The following SUGCT variants were observed in gnomAD, a reference collection of about 807,000 sequenced individuals.
SUGCT encodes succinyl-CoA:glutarate CoA-transferase.
In SUGCT, 41 loss-of-function variants were observed where a neutral mutation model predicts 55.0. The observed-to-expected ratio is 0.74, with a 90% CI of 0.58 to 0.97. The LOEUF (loss-of-function observed/expected upper bound fraction) is 0.97. Ranked by LOEUF, SUGCT falls within the 50% of genes least tolerant of loss-of-function variation. SUGCT has a pLI of 0.00. For missense variants in SUGCT, 568 were observed against 547.8 expected (o/e 1.04, Z -0.37); for synonymous variants, 187 against 200.4 (o/e 0.93, Z 0.56).
At chr7:40,157,990 C>T (rs897188608) in intron 1 of SUGCT, among the ~76,000 whole-genome samples, 2 of 151,744 alleles carry the variant, frequency 1.3e-5, no homozygotes, top group Non-Finnish European at 2.9e-5. Flanking sequence ...AGGCAGATCA[C>T]GAGGTCAAGA....
In SUGCT at chr7:40,541,672, A is replaced by G. The variant is rs115537727; in HGVS notation, c.1089+45286A>G. Among the ~76,000 whole-genome samples the G allele has an allele frequency of 2.9e-3, 439 of 152,362 alleles. 4 individuals are homozygous for G. Among genetic ancestry groups the G allele is most frequent in the African/African-American group, 9.8e-3 (409 of 41,590 alleles). Reference sequence around the variant, plus strand: ...ACAGTACATATTTTTCAAAAGTTACATGAAATATATTAGAGTAGTTTCCTG... The same window carrying G: ...ACAGTACATATTTTTCAAAAGTTACGTGAAATATATTAGAGTAGTTTCCTG... On this transcript the variant is annotated intron_variant, in intron 12 of 13. Transcript: ENST00000335693.
chr7:40,568,308 C>G (rs1279959105), intron 12 of SUGCT, among the ~76,000 whole-genome samples: 3 of 152,034 alleles, frequency 2.0e-5, no homozygotes, highest in Non-Finnish European at 4.4e-5. Flanking sequence ...AAGAATATTT[C>G]TTTATCAGTG....
intron 12 of SUGCT, among the ~76,000 whole-genome samples, chr7:40,549,859 C>T (rs958275029): frequency 2.6e-5 from 4 of 152,022 alleles, no homozygotes; most frequent in African/African-American, 9.7e-5. Context: ...CAGGGTAGCT[C>T]GGGGTCAGAT....
At chr7:40,232,365 G>A (rs1000202405) in intron 6 of SUGCT, among the ~76,000 whole-genome samples, 4 of 152,114 alleles carry the variant, frequency 2.6e-5, no homozygotes, top group African/African-American at 9.7e-5. Flanking sequence ...ACTGAAGGTC[G>A]TTAACCTGAC....
intron 11 of SUGCT, among the ~76,000 whole-genome samples, chr7:40,477,989 CT>C (rs995519848): frequency 1.1e-4 from 17 of 151,760 alleles, no homozygotes; most frequent in Admixed American, 3.3e-4. Context: ...ATTGTTTGGG[CT>C]TTTTTTTCCC....
intron 11 of SUGCT, among the ~76,000 whole-genome samples, chr7:40,466,624 C>G (rs931824790): frequency 6.6e-6 from 1 of 152,142 alleles, no homozygotes; most frequent in Non-Finnish European, 1.5e-5. Context: ...AGTAAATGTT[C>G]TCTCAGTCAG....
rs1197865703 is a variant in SUGCT, at chr7:40,454,448, C to G, written c.889-4653C>G. Among the ~76,000 whole-genome samples, 4 of 152,116 alleles carry G rather than the reference C, an allele frequency of 2.6e-5. No individual in the cohort carries two copies. In the East Asian group the frequency reaches 5.8e-4, roughly 22 times the overall value. On this transcript the variant is annotated intron_variant, in intron 10 of 13. Transcript: ENST00000335693. Reference sequence around the variant, plus strand: ...TGGTGTGTGAATATCATAGAGTGTACTTACACAAACCTAGATGGTATAGCC... The same window carrying G: ...TGGTGTGTGAATATCATAGAGTGTAGTTACACAAACCTAGATGGTATAGCC...
chr7:40,146,332 G>A (rs1788243634), intron 1 of SUGCT, among the ~76,000 whole-genome samples: 1 of 152,216 alleles, frequency 6.6e-6, no homozygotes, highest in African/African-American at 2.4e-5. Context: ...CTTGTTTACA[G>A]TGACAACTGC....
chr7:40,554,088 A>C (rs924207821), intron 12 of SUGCT, among the ~76,000 whole-genome samples: 1 of 152,248 alleles, frequency 6.6e-6, no homozygotes, highest in Non-Finnish European at 1.5e-5. Context: ...TTTTCTACTT[A>C]AAAGCTGTGT....
chr7:40,495,309 T>C (rs1485455246), intron 11 of SUGCT, among the ~76,000 whole-genome samples: 2 of 151,914 alleles, frequency 1.3e-5, no homozygotes, highest in Non-Finnish European at 2.9e-5. Context: ...TAATTCTAGC[T>C]ATGTACAGGA....
intron 12 of SUGCT, among the ~76,000 whole-genome samples, chr7:40,747,857 A>G (rs1787810175): frequency 6.6e-6 from 1 of 152,118 alleles, no homozygotes; most frequent in Admixed American, 6.6e-5. Context: ...CAATAATTCA[A>G]CACTTATGTA....
intron 9 of SUGCT, among the ~76,000 whole-genome samples, chr7:40,434,356 T>C (rs961273764): frequency 6.6e-6 from 1 of 152,210 alleles, no homozygotes; most frequent in African/African-American, 2.4e-5. Flanking sequence ...CTTAATCTTC[T>C]AGCAGTTTAT....
chr7:40,591,418 A>C (rs59757791), intron 12 of SUGCT, among the ~76,000 whole-genome samples: 3,070 of 152,320 alleles, frequency 0.02, 106 homozygotes, highest in African/African-American at 0.069. Context: ...CAAAGAAAGC[A>C]ATTTATTGAG....
At chr7:40,823,649 G>A (rs1039687630) in intron 13 of SUGCT, among the ~76,000 whole-genome samples, 1 of 151,966 alleles carries the variant, frequency 6.6e-6, no homozygotes, top group Non-Finnish European at 1.5e-5. Flanking sequence ...GTAGAAAATG[G>A]ACCTCTTAAA....
the SUGCT span, among the ~76,000 whole-genome samples, chr7:40,899,693 A>G: frequency 6.6e-6 from 1 of 152,060 alleles, no homozygotes. Context: ...CACCCCCACA[A>G]CACAGTTTTT....
intron 9 of SUGCT, among the ~76,000 whole-genome samples, chr7:40,326,427 T>C (rs556192197): frequency 6.6e-6 from 1 of 152,200 alleles, no homozygotes; most frequent in Non-Finnish European, 1.5e-5. Context: ...TGAAATAGTC[T>C]CTATGAAAAC....
chr7:40,224,450 G>C (rs1295418133), intron 6 of SUGCT, among the ~76,000 whole-genome samples: 1 of 151,684 alleles, frequency 6.6e-6, no homozygotes, highest in East Asian at 1.9e-4. Flanking sequence ...GTATAAGTGT[G>C]TGTATGTGAT....
chr7:40,840,727 A>C (rs1448562057), intron 13 of SUGCT, among the ~76,000 whole-genome samples: 1 of 123,792 alleles, frequency 8.1e-6, no homozygotes, highest in Non-Finnish European at 1.7e-5. Flanking sequence ...AACATCAATA[A>C]ATTGAAAATA....
chr7:40,970,610 G>A, the SUGCT span, among the ~76,000 whole-genome samples: 1 of 152,162 alleles, frequency 6.6e-6, no homozygotes, highest in African/African-American at 2.4e-5. Flanking sequence ...GACCAAATAG[G>A]AAAGTTCTGA....
Sources: gnomAD v4.1 joint callset for allele counts (sites outside exome capture counted in the v4.1 genomes callset) on GRCh38, gnomAD v4.1.1 for gene constraint, MANE v1.5 for transcripts, NCBI Gene and HGNC (gene_info 2026-07-23, HGNC 2026-07-21) for gene names.